CMYA5: variants seen among roughly 807,000 people sequenced by gnomAD.
The protein encoded by CMYA5 is cardiomyopathy associated 5.
Under a neutral mutation model 318.9 loss-of-function variants are expected in CMYA5, and 246 were observed. That is an observed-to-expected ratio of 0.77 (90% confidence interval 0.70 to 0.86). The LOEUF (loss-of-function observed/expected upper bound fraction) is 0.86, where lower values mean the gene tolerates loss of function less well. Among genes scored for constraint, CMYA5 ranks in the 40% least tolerant of loss-of-function variants. The pLI is 0.00. For missense variants in CMYA5, 4,589 were observed against 4,678.2 expected, an observed-to-expected ratio of 0.98 and a Z score of 0.56; for synonymous variants, 1,641 against 1,729.5, an observed-to-expected ratio of 0.95 and a Z score of 1.27.
intron 2 of CMYA5, among the ~76,000 whole-genome samples, chr5:79,741,741 GTT>G (rs963785327): frequency 1.3e-4 from 19 of 151,182 alleles, no homozygotes; most frequent in African/African-American, 4.3e-4. Context: ...TTCTTAATAT[GTT>G]TTGTTTATCT....
At chr5:79,716,628 A>G (rs1450790567) in intron 1 of CMYA5, among the ~76,000 whole-genome samples, 1 of 152,240 alleles carries the variant, frequency 6.6e-6, no homozygotes, top group Admixed American at 6.5e-5. Flanking sequence ...AAGCTAAAAG[A>G]TATGAATCTT....
intron 9 of CMYA5, among the ~76,000 whole-genome samples, chr5:79,764,772 T>A (rs1400051778): frequency 2.0e-5 from 3 of 152,252 alleles, no homozygotes; most frequent in Non-Finnish European, 4.4e-5. Context: ...CATATGTTTG[T>A]TGGCAGCATA....
At chr5:79,762,839 G>A in intron 8 of CMYA5, 1 of 504,856 alleles carries the variant, frequency 2.0e-6, no homozygotes, top group Non-Finnish European at 3.5e-6. Context: ...ACTATTAGGG[G>A]CTGTTTGGGG....
In CMYA5 at chr5:79,737,277, C is replaced by T. The variant is rs1828096767; in HGVS notation, c.8512C>T (p.Arg2838Ter). Reference sequence around the variant, plus strand: ...CGCAGTGAAGAAAAAAGAAATGCCACGATCAGAATTGACTCCAGAAAGGCA... The same window carrying T: ...CGCAGTGAAGAAAAAAGAAATGCCATGATCAGAATTGACTCCAGAAAGGCA... ...INAVKKKEMP[R>*]SELTPERHTV... Residue 2838 changes from arginine to a stop codon, truncating the protein, a stop_gained, in exon 2 of 13, where the codon CGA (arginine) becomes TGA (stop). Transcript: ENST00000446378. LOFTEE classifies it high-confidence loss of function. 5.6e-6 allele frequency: 9 copies of T among 1,613,768 alleles called. No homozygotes were observed. Among genetic ancestry groups the T allele is most frequent in the East Asian group, 2.2e-5 (1 of 44,876 alleles).
chr5:79,786,549 T>A (rs10067460), intron 9 of CMYA5, among the ~76,000 whole-genome samples: 30,425 of 152,230 alleles, frequency 0.2, 3,229 homozygotes, highest in African/African-American at 0.24. Context: ...TGAATTCTAC[T>A]GCAAACTATG....
chr5:79,794,824 G>A (rs1195879967), intron 12 of CMYA5, among the ~76,000 whole-genome samples: 1 of 152,138 alleles, frequency 6.6e-6, no homozygotes, highest in East Asian at 1.9e-4. Flanking sequence ...GATTCTCTGA[G>A]ATGGTTCATA....
In CMYA5 at chr5:79,732,452, G is replaced by C. The variant is rs763023926; in HGVS notation, c.3687G>C (p.Gln1229His). ...HVSQDQKMEP[Q>H]PPNVPESEMK... ...CACAGGATCAAAAAATGGAGCCTCAGCCTCCAAATGTTCCAGAGTCTGAGA... is the reference window on the plus strand; with the variant it reads ...CACAGGATCAAAAAATGGAGCCTCACCCTCCAAATGTTCCAGAGTCTGAGA... Residue 1229 changes from glutamine to histidine, a missense_variant, in exon 2 of 13, where the codon CAG becomes CAC. This residue lies in a region of CMYA5 where 2,132 missense variants were observed against 2,131.3 expected (regional missense o/e 1.00). Transcript: ENST00000446378. 46 of 1,613,242 alleles carry C rather than the reference G, an allele frequency of 2.9e-5. No individual in the cohort carries two copies. The highest frequency in any genetic ancestry group is 3.7e-5 in the Non-Finnish European group (44 of 1,179,648).
chr5:79,730,500 G>A lies in CMYA5; in HGVS notation c.1735G>A (p.Glu579Lys). Residue 579 changes from glutamate (E) to lysine (K), a missense_variant, in exon 2 of 13, where the codon GAG becomes AAG. By Grantham distance (56) the Glu-to-Lys change is moderately conservative. Coordinates refer to ENST00000446378, the MANE Select transcript of CMYA5 (RefSeq NM_153610.5). ...ATCTCCTGAACATGTTGCTTTGTCT[G>A]AGGAAGAAAGAGAGGAAATTGCATC... Reference protein sequence around the residue: ...ASSPEHVALSEEEREEIASVS... With the variant: ...ASSPEHVALSKEEREEIASVS... The A allele has an allele frequency of 6.2e-7, 1 of 1,613,924 alleles. No homozygotes were observed. The highest frequency in any genetic ancestry group is 1.1e-5 in the South Asian group (1 of 91,050).
rs549127521 is a variant in CMYA5 at position 79,720,997 on chromosome 5, T to TGAAAATAC, written c.150-7917_150-7910dup. Among the ~76,000 whole-genome samples, 340 of 152,322 alleles carry TGAAAATAC rather than the reference T, an allele frequency of 2.2e-3. 1 individual carries two copies. The highest frequency in any genetic ancestry group is 7.3e-3 in the African/African-American group (302 of 41,574). Reference sequence around the variant, plus strand: ...ATCTCACGTGGCTTAACATTTAGATTGAAAATACATAAGGACGTGTAAGTT... The same window carrying TGAAAATAC: ...ATCTCACGTGGCTTAACATTTAGATTGAAAATACGAAAATACATAAGGACGTGTAAGTT... On this transcript the variant is annotated intron_variant, in intron 1 of 12. Coordinates refer to ENST00000446378, the MANE Select transcript of CMYA5 (RefSeq NM_153610.5).
In CMYA5 at chr5:79,736,868, G is replaced by A; in HGVS notation, c.8103G>A (p.Lys2701=). 2 of 1,611,086 alleles carry A rather than the reference G, an allele frequency of 1.2e-6. No individual in the cohort carries two copies. The highest frequency in any genetic ancestry group is 1.7e-6 in the Non-Finnish European group (2 of 1,179,406). ...CTGTGAAACAAGGATTTCAAGAAAAGGCAGTAGGAACCCAACCACGTCCTT... is the reference window on the plus strand; with the variant it reads ...CTGTGAAACAAGGATTTCAAGAAAAAGCAGTAGGAACCCAACCACGTCCTT... ...KETVKQGFQE[K]AVGTQPRPLE... Residue 2701 remains lysine, a synonymous_variant, in exon 2 of 13, where the codon AAG becomes AAA. Coordinates refer to ENST00000446378, the MANE Select transcript of CMYA5 (RefSeq NM_153610.5).
rs751163913 is a variant in CMYA5 at position 79,738,836 on chromosome 5, T to C, written c.10071T>C (p.Ser3357=). The C allele has an allele frequency of 8.7e-6, 14 of 1,613,806 alleles. No homozygotes were observed. The South Asian group carries it at 1.5e-4, about 18-fold the overall frequency. ...TGGAGCGTGCAGATGAAGCAGGCAG[T>C]CACGGTAATGAAGTCGGAAATGCAA... ...HVLERADEAG[S]HGNEVGNASP... is the part of the protein sequence containing the mutation. The change falls in exon 2 of 13, where the codon AGT becomes AGC. Residue 3357 remains serine, a synonymous_variant. Coordinates refer to ENST00000446378, the MANE Select transcript of CMYA5 (RefSeq NM_153610.5).
In CMYA5 at chr5:79,771,281, C is replaced by T. The variant is rs16877185; in HGVS notation, c.11555+8072C>T. 6.4e-3 allele frequency among the ~76,000 whole-genome samples: 970 copies of T among 152,226 alleles called. 14 individuals are homozygous for T. The highest frequency in any genetic ancestry group is 0.06 in the South Asian group (291 of 4,814). ...GTCTAAGTTGTTAACCCTTGCTTTA[C>T]GTCACTTAGGGGAGTCCTGGACCTT... On this transcript the variant is annotated intron_variant, in intron 9 of 12. Transcript: ENST00000446378.
rs751088965 is a variant in CMYA5 at position 79,732,984 on chromosome 5, G to A, written c.4219G>A (p.Ala1407Thr). ...TGGTTTGCCACCACTGGTAACATCTGCAGATGAACATTCAGTTCTTGCAGA... is the reference window on the plus strand; with the variant it reads ...TGGTTTGCCACCACTGGTAACATCTACAGATGAACATTCAGTTCTTGCAGA... ...GSGLPPLVTS[A>T]DEHSVLAEED... Residue 1407 changes from alanine to threonine, a missense_variant, in exon 2 of 13, where the codon GCA (alanine) becomes ACA (threonine). Transcript: ENST00000446378. The A allele has an allele frequency of 7.4e-6, 12 of 1,613,246 alleles. No homozygotes were observed. The South Asian group carries it at 9.9e-5, about 13-fold the overall frequency.
At chr5:79,793,653 C>T in intron 12 of CMYA5, 43 bp downstream of exon 12, 1 of 1,550,220 alleles carries the variant, frequency 6.5e-7, no homozygotes, top group Non-Finnish European at 8.8e-7. Flanking sequence ...AAATATTATG[C>T]TTGGGTGTCC....
rs34198193 is a variant in CMYA5, at chr5:79,726,909, A to ATTTTTT, written c.150-1988_150-1983dup. 5.0e-3 allele frequency among the ~76,000 whole-genome samples: 479 copies of ATTTTTT among 96,010 alleles called. 61 individuals are homozygous for ATTTTTT. The highest frequency in any genetic ancestry group is 0.023 in the African/African-American group (444 of 19,226). The allele number at this position is 96,010 out of a possible 152,430, so 63.0% of individuals were successfully genotyped here. On this transcript the variant is annotated intron_variant, in intron 1 of 12. Coordinates refer to ENST00000446378, the MANE Select transcript of CMYA5 (RefSeq NM_153610.5). ...AGAGCTAGGATTGTTTAGGCCAGTG[A>ATTTTTT]TTTTTTTTTTTTTTTTTTTTTTTGA...
At chr5:79,724,199 C>A (rs1471741054) in intron 1 of CMYA5, among the ~76,000 whole-genome samples, 1 of 151,922 alleles carries the variant, frequency 6.6e-6, no homozygotes, top group Non-Finnish European at 1.5e-5. Flanking sequence ...TGGTGCCCGC[C>A]TGTAATCCCA....
At position 79,736,065 on chromosome 5, in the gene CMYA5, C is replaced by CA; in HGVS notation, c.7304dup (p.Asn2435LysfsTer9). The CA allele has an allele frequency of 6.2e-7, 1 of 1,612,008 alleles. No individual in the cohort carries two copies. The highest frequency in any genetic ancestry group is 8.5e-7 in the Non-Finnish European group (1 of 1,179,364). ...TGAAGACAGACTCAAGAAAGAAATG[C>CA]AAAATCCTACTTCCTTGAAAATTTC... On this transcript the variant is annotated frameshift_variant, in exon 2 of 13. Coordinates refer to ENST00000446378, the MANE Select transcript of CMYA5 (RefSeq NM_153610.5). LOFTEE classifies it high-confidence loss of function.
At chr5:79,723,042 T>C (rs1827671747) in intron 1 of CMYA5, among the ~76,000 whole-genome samples, 1 of 152,166 alleles carries the variant, frequency 6.6e-6, no homozygotes, top group African/African-American at 2.4e-5. Context: ...AATGTAATAT[T>C]TTACACACTC....
Position 79,736,203 on chromosome 5 carries a change from G to A in CMYA5, c.7438G>A (p.Val2480Met), listed in dbSNP as rs112603618. 2.3e-4 allele frequency: 379 copies of A among 1,613,668 alleles called. 4 individuals are homozygous for A. In the African/African-American group the frequency reaches 4.1e-3, roughly 18 times the overall value. Residue 2480 changes from valine to methionine, a missense_variant, in exon 2 of 13, where the codon GTG becomes ATG. Around this residue, in one of 3 missense-constraint regions of CMYA5, gnomAD observed 2,431 missense variants for 2,495.1 expected, o/e 0.97. Transcript: ENST00000446378. ...GGTGCTGGCAGAAAAACAAAACTCT[G>A]TGGCCCCATTAGAGCTTAGAGATAG... is the stretch of plus-strand genomic sequence containing the variant. Reference protein sequence around the residue: ...KKVLAEKQNSVAPLELRDSNE... With the variant: ...KKVLAEKQNSMAPLELRDSNE...
Sources: gnomAD v4.1 joint callset for allele counts (sites outside exome capture counted in the v4.1 genomes callset) on GRCh38, gnomAD v4.1.1 for gene constraint, gnomAD v4.1.1 regional missense constraint, MANE v1.5 for transcripts, NCBI Gene and HGNC (gene_info 2026-07-23, HGNC 2026-07-21) for gene names.